GPR137: variants seen among roughly 807,000 people sequenced by gnomAD.
GPR137 encodes the protein G protein-coupled receptor 137.
In GPR137, 20 loss-of-function variants were observed where a neutral mutation model predicts 38.9. The ratio of observed to expected loss-of-function variants is 0.51; its 90% CI spans 0.36 to 0.75. The LOEUF is 0.75. Ranked by LOEUF, GPR137 falls within the 30% of genes least tolerant of loss-of-function variation. The pLI is 0.00. For synonymous variants in GPR137, 226 were observed against 235.8 expected (o/e 0.96, Z 0.38); for missense variants, 456 against 526.4 (o/e 0.87, Z 1.31).
chr11:64,277,627 A>C (rs1054903607), intron 2 of GPR137, among the ~76,000 whole-genome samples: 1 of 151,998 alleles, frequency 6.6e-6, no homozygotes, highest in African/African-American at 2.4e-5. Context: ...ATTTTTAGAG[A>C]AGTGTCTTGC....
exon 1 of GPR137, chr11:64,270,559 G>A: frequency 4.1e-6 from 3 of 723,428 alleles, no homozygotes; most frequent in Non-Finnish European, 7.4e-6. Flanking sequence ...GCCGGAGACG[G>A]GAAGAGAGGA....
At chr11:64,282,688 G>A (rs1307020508), upstream of GPR137, among the ~76,000 whole-genome samples, 1 of 151,972 alleles carries the variant, frequency 6.6e-6, no homozygotes, top group East Asian at 1.9e-4. Flanking sequence ...GACCACCCTG[G>A]CTAACACGGT....
Position 64,287,775 on chromosome 11 carries a change from CGTGCTGT to C in GPR137, c.471_477del (p.Ala158SerfsTer19). The stretch of plus-strand genomic sequence containing the variant: ...CCTCGCTGCTCTTTCTGCTGGTGAA[CGTGCTGT>C]GTGCTGTGCTCTCCCATCGGCGCCG... On this transcript the variant is annotated frameshift_variant, in exon 3 of 7. Transcript: ENST00000438980. LOFTEE classifies it high-confidence loss of function. The C allele has an allele frequency of 1.9e-6, 3 of 1,607,320 alleles. No homozygotes were observed. Among genetic ancestry groups the C allele is most frequent in the Non-Finnish European group, 2.5e-6 (3 of 1,179,926 alleles).
At chr11:64,274,940 T>A (rs545218341), upstream of GPR137, among the ~76,000 whole-genome samples, 126 of 127,916 alleles carry the variant, frequency 9.9e-4, no homozygotes, top group African/African-American at 3.7e-3. Flanking sequence ...AGCTGAGATC[T>A]CACCATTGCA....
upstream of GPR137, chr11:64,285,442 C>T (rs2033850628): frequency 1.0e-6 from 1 of 984,004 alleles, no homozygotes; most frequent in African/African-American, 1.7e-5. Flanking sequence ...TTCGGGGCTC[C>T]GCGGGTTCAG....
chr11:64,285,301 C>A (rs1243405748), upstream of GPR137: 38 of 985,626 alleles, frequency 3.9e-5, no homozygotes, highest in Non-Finnish European at 4.3e-5. Flanking sequence ...GCTGCCCGGG[C>A]GCGGGAGGAG....
chr11:64,287,711 G>C lies in GPR137; in HGVS notation c.408-10G>C. 1 of 1,603,054 alleles carries C rather than the reference G, an allele frequency of 6.2e-7. No homozygotes were observed. Among genetic ancestry groups the C allele is most frequent in the Admixed American group, 1.7e-5 (1 of 60,000 alleles). On this transcript the variant is annotated splice_polypyrimidine_tract_variant and intron_variant, in intron 2 of 6. Transcript: ENST00000438980. ...GTTGAGGGCCCGCGCTGACTGTGCTGTGGCTGCAGGCTCGCTGTCCGAGGG... is the reference window on the plus strand; with the variant it reads ...GTTGAGGGCCCGCGCTGACTGTGCTCTGGCTGCAGGCTCGCTGTCCGAGGG...
Position 64,288,449 on chromosome 11 carries a change from A to G in GPR137, c.893A>G (p.His298Arg). ...CTGCTGGTGGGCTTCTTCCGGGTGC[A>G]CCGGCCCCCACAGGACCTGGTAAGG... ...TTLLVGFFRVHRPPQDLSTSH... is the reference protein window; with the variant it reads ...TTLLVGFFRVRRPPQDLSTSH... The change falls in exon 5 of 7, where the codon CAC becomes CGC. Residue 298 changes from histidine to arginine, a missense_variant. His to Arg is a conservative substitution (Grantham distance 29, BLOSUM62 0). Coordinates refer to ENST00000438980, the MANE Select transcript of GPR137 (RefSeq NM_001170880.2). The surrounding 1 kb of genome is among the most constrained non-coding windows in gnomAD (Gnocchi z 5.5). The G allele has an allele frequency of 6.2e-7, 1 of 1,613,274 alleles. No homozygotes were observed. The highest frequency in any genetic ancestry group is 1.1e-5 in the South Asian group (1 of 91,060).
chr11:64,288,653 C>T lies in GPR137; in HGVS notation c.963C>T (p.Phe321=). Reference sequence around the variant, plus strand: ...AGGTCTTTGCCTCTCGGTCCTACTTCTTTGACCGGGCTGGGCACTGTGAAG... The same window carrying T: ...AGGTCTTTGCCTCTCGGTCCTACTTTTTTGACCGGGCTGGGCACTGTGAAG... ...NGQVFASRSY[F]FDRAGHCEDE... is the part of the protein sequence containing the mutation. The change falls in exon 6 of 7, where the codon TTC becomes TTT. Residue 321 remains phenylalanine, a synonymous_variant. Transcript: ENST00000438980. The surrounding 1 kb of genome is among the most constrained non-coding windows in gnomAD (Gnocchi z 5.5). 1 of 1,606,950 alleles carries T rather than the reference C, an allele frequency of 6.2e-7. No individual in the cohort carries two copies. The highest frequency in any genetic ancestry group is 2.2e-5 in the East Asian group (1 of 44,724).
At chr11:64,282,337 C>T (rs1468277210), upstream of GPR137, among the ~76,000 whole-genome samples, 1 of 152,196 alleles carries the variant, frequency 6.6e-6, no homozygotes, top group Non-Finnish European at 1.5e-5. Context: ...CATGGTGGCT[C>T]ACGCCAGTAA....
intron 2 of GPR137, chr11:64,276,680 T>G: frequency 5.8e-6 from 3 of 517,660 alleles, no homozygotes; most frequent in African/African-American, 2.0e-5. Context: ...CCTGGGGGAG[T>G]GTCTGTGAAT....
chr11:64,286,960 C>T lies in GPR137; in HGVS notation c.358-5C>T, dbSNP rs2034154255. ...CACAGGAGTGAAGGGCATCTCTGCT[C>T]CTAGGTGGTGTTCAAGGCCAAGGTG... On this transcript the variant is annotated splice_polypyrimidine_tract_variant and splice_region_variant and intron_variant, in intron 1 of 6. Transcript: ENST00000438980. The T allele has an allele frequency of 1.9e-6, 3 of 1,613,886 alleles. No homozygotes were observed. Among genetic ancestry groups the T allele is most frequent in the Non-Finnish European group, 2.5e-6 (3 of 1,179,982 alleles).
chr11:64,273,217 A>G (rs2032771360), upstream of GPR137, among the ~76,000 whole-genome samples: 1 of 152,284 alleles, frequency 6.6e-6, no homozygotes, highest in South Asian at 2.1e-4. Flanking sequence ...TACTAAAAAT[A>G]CAAAAATTAG....
upstream of GPR137, chr11:64,285,074 G>T (rs2033799934): frequency 1.8e-6 from 2 of 1,090,228 alleles, no homozygotes; most frequent in Admixed American, 4.7e-5. Context: ...GCGGGCGAAG[G>T]CGCTTGGCAC....
intron 2 of GPR137, among the ~76,000 whole-genome samples, chr11:64,277,582 C>T (rs1273838273): frequency 6.6e-6 from 1 of 152,174 alleles, no homozygotes; most frequent in Non-Finnish European, 1.5e-5. Flanking sequence ...GGACTACAGG[C>T]ATCACCATGC....
At chr11:64,278,546 G>A (rs1364375131) in intron 2 of GPR137, among the ~76,000 whole-genome samples, 2 of 152,154 alleles carry the variant, frequency 1.3e-5, no homozygotes, top group Non-Finnish European at 2.9e-5. Flanking sequence ...GGTGGGACTA[G>A]TTCTATTCCC....
chr11:64,288,948 G>A lies in GPR137; in HGVS notation c.1032-89G>A. 4 of 1,452,000 alleles carry A rather than the reference G, an allele frequency of 2.8e-6. No individual in the cohort carries two copies. The highest frequency in any genetic ancestry group is 3.6e-6 in the Non-Finnish European group (4 of 1,106,386). 89.9% of individuals were successfully genotyped at this position (1,452,000 alleles called of 1,614,324 possible). On this transcript the variant is annotated intron_variant, in intron 6 of 6. Transcript: ENST00000438980. The surrounding 1 kb of genome is among the most constrained non-coding windows in gnomAD (Gnocchi z 5.5). ...GGCCCCGAAGGTCTAGGTCACAGGG[G>A]TTCTGTTCTAAGCCTGTCTTCCTCC...
chr11:64,277,599 A>G (rs1565348609), intron 2 of GPR137, among the ~76,000 whole-genome samples: 2 of 152,114 alleles, frequency 1.3e-5, no homozygotes, highest in Non-Finnish European at 2.9e-5. Flanking sequence ...ATGCCCGGCT[A>G]ATTTTTTAAT....
Position 64,288,139 on chromosome 11 carries a change from C to T in GPR137, c.708C>T (p.Asn236=), listed in dbSNP as rs199618706. The T allele has an allele frequency of 1.9e-6, 3 of 1,612,994 alleles. No individual in the cohort carries two copies. The highest frequency in any genetic ancestry group is 1.1e-5 in the South Asian group (1 of 91,088). The stretch of plus-strand genomic sequence containing the variant: ...TCTATGCCAGCCGGGCCTGCTACAA[C>T]CTGACAGCACTGGCCTTGGCCCCCC... ...VLLYASRACY[N]LTALALAPQS... The change falls in exon 4 of 7, where the codon AAC becomes AAT. Residue 236 remains asparagine (N), a synonymous_variant. Transcript: ENST00000438980. This position sits in a 1 kb window ranked among gnomAD's most constrained non-coding sequence, Gnocchi z 5.5.
Sources: allele counts gnomAD v4.1 joint callset (sites outside exome capture counted in the v4.1 genomes callset), GRCh38; gene constraint gnomAD v4.1.1; non-coding constraint Gnocchi (gnomAD v3.1); transcripts MANE v1.5; gene names NCBI Gene and HGNC (gene_info 2026-07-23, HGNC 2026-07-21).